The following PKLR variants were observed in gnomAD, a reference collection of about 807,000 sequenced individuals.
The protein encoded by PKLR is pyruvate kinase PKLR.
A neutral mutation model predicts 53.6 loss-of-function variants in PKLR; 38 were observed. The ratio of observed to expected loss-of-function variants is 0.71; its 90% CI spans 0.55 to 0.93. The LOEUF is 0.93. Ranked by LOEUF, PKLR falls within the 40% of genes least tolerant of loss-of-function variation. PKLR has a pLI of 0.00. For synonymous variants in PKLR, 328 were observed against 316.2 expected (o/e 1.04, Z -0.39); for missense variants, 702 against 787.3 (o/e 0.89, Z 1.30).
At position 155,295,696 on chromosome 1, in the gene PKLR, G is replaced by T; in HGVS notation, c.344C>A (p.Ala115Glu). ...GGAGCCGTGGGAGAAGTTGAGTCGC[G>T]CAATGTTCATCCCGGCCTTGATCAT... ...KEMIKAGMNI[A>E]RLNFSHGSHE... Residue 115 changes from alanine to glutamate, a missense_variant, in exon 3 of 11, where the codon GCG becomes GAG. Ala to Glu is a moderately radical substitution (Grantham distance 107). Transcript: ENST00000342741. This position sits in a 1 kb window ranked among gnomAD's most constrained non-coding sequence, Gnocchi z 4.3. 1 of 1,614,112 alleles carries T rather than the reference G, an allele frequency of 6.2e-7. No individual in the cohort carries two copies. The highest frequency in any genetic ancestry group is 8.5e-7 in the Non-Finnish European group (1 of 1,180,008).
At chr1:155,299,026 CTTTCT>C (rs1268429898) in intron 2 of PKLR, among the ~76,000 whole-genome samples, 1 of 92,414 alleles carries the variant, frequency 1.1e-5, no homozygotes, top group Non-Finnish European at 2.1e-5. Flanking sequence ...TTCTTTCTTT[CTTTCT>C]TTCTCTTTCT....
rs745811076 is a variant in PKLR, at chr1:155,300,262, C to A, written c.119G>T (p.Arg40Leu). 1.3e-6 allele frequency: 2 copies of A among 1,599,428 alleles called. No individual in the cohort carries two copies. The highest frequency in any genetic ancestry group is 3.5e-5 in the Admixed American group (2 of 57,140). ...GGTCAGTTGGGCCACACTGGCCCGCCGCAGATACCCCGCTGGCCCTGTGGT... is the reference window on the plus strand; with the variant it reads ...GGTCAGTTGGGCCACACTGGCCCGCAGCAGATACCCCGCTGGCCCTGTGGT... ...GAPGGPAGYL[R>L]RASVAQLTQE... The change falls in exon 2 of 11, where the codon CGG becomes CTG. Residue 40 changes from arginine (R) to leucine (L), a missense_variant. By Grantham distance (102) the Arg-to-Leu change is moderately radical. This residue lies in a region of PKLR where 519 missense variants were observed against 537.1 expected (regional missense o/e 0.97). Transcript: ENST00000342741.
rs1647558741 is a variant in PKLR, at chr1:155,295,793, C to A, written c.284-37G>T. Reference sequence around the variant, plus strand: ...GATTCACGTTCAGACAACGTTCCCCCAGAACATGAGAGGCAACCAAACCCA... The same window carrying A: ...GATTCACGTTCAGACAACGTTCCCCAAGAACATGAGAGGCAACCAAACCCA... On this transcript the variant is annotated intron_variant, in intron 2 of 10. Transcript: ENST00000342741. This position sits in a 1 kb window ranked among gnomAD's most constrained non-coding sequence, Gnocchi z 4.3. 3 of 1,588,158 alleles carry A rather than the reference C, an allele frequency of 1.9e-6. No individual in the cohort carries two copies. Among genetic ancestry groups the A allele is most frequent in the Admixed American group, 1.7e-5 (1 of 59,996 alleles).
chr1:155,291,149 A>G (rs1674521840), intron 10 of PKLR, among the ~76,000 whole-genome samples: 4 of 152,116 alleles, frequency 2.6e-5, no homozygotes, highest in Admixed American at 2.6e-4. Flanking sequence ...GGAATGAGGC[A>G]GTGAAGTATG....
chr1:155,295,125 G>C lies in PKLR; in HGVS notation c.685C>G (p.Gln229Glu), dbSNP rs1647485350. 3 of 1,614,046 alleles carry C rather than the reference G, an allele frequency of 1.9e-6. No individual in the cohort carries two copies. In the East Asian group the frequency reaches 6.7e-5, roughly 36 times the overall value. Residue 229 changes from glutamine to glutamate, a missense_variant, in exon 5 of 11, where the codon CAG becomes GAG. Physicochemically the swap from Gln to Glu is conservative, Grantham distance 29. Around this residue, in one of 2 missense-constraint regions of PKLR, gnomAD observed 519 missense variants for 537.1 expected, o/e 0.97. Coordinates refer to ENST00000342741, the MANE Select transcript of PKLR (RefSeq NM_000298.6). The surrounding 1 kb of genome is among the most constrained non-coding windows in gnomAD (Gnocchi z 4.3). ...GGAGGCGCGTCCGCACCGATTTTCT[G>C]GACCACTAGGGAGATGAGCCCGTCG... ...IDDGLISLVV[Q>E]KIGPEGLVTQ...
chr1:155,291,795 C>T lies in PKLR; in HGVS notation c.1579G>A (p.Asp527Asn), dbSNP rs748219831. The T allele has an allele frequency of 2.5e-6, 4 of 1,614,148 alleles. No individual in the cohort carries two copies. Among genetic ancestry groups the T allele is most frequent in the Non-Finnish European group, 2.5e-6 (3 of 1,180,018 alleles). ...YREPPEAIWADDVDRRVQFGI... is the reference protein window; with the variant it reads ...YREPPEAIWANDVDRRVQFGI... ...AATTGCACCCGGCGATCTACATCAT[C>T]TGCCCAGATGGCTTCTGGAGGTTCA... The change falls in exon 10 of 11, where the codon GAT (aspartate) becomes AAT (asparagine). Residue 527 changes from aspartate (D) to asparagine (N), a missense_variant. Around this residue, in one of 2 missense-constraint regions of PKLR, gnomAD observed 183 missense variants for 250.2 expected, o/e 0.73. Coordinates refer to ENST00000342741, the MANE Select transcript of PKLR (RefSeq NM_000298.6).
chr1:155,299,234 A>G (rs939760227), intron 2 of PKLR, among the ~76,000 whole-genome samples: 1 of 140,286 alleles, frequency 7.1e-6, no homozygotes, highest in Non-Finnish European at 1.5e-5. Flanking sequence ...TCTGTCACCT[A>G]GGCTGGAGTA....
chr1:155,299,171 T>C (rs1489740583), intron 2 of PKLR, among the ~76,000 whole-genome samples: 2 of 146,162 alleles, frequency 1.4e-5, no homozygotes. Context: ...CTCTCTCTCT[T>C]TCTTTCTTTC....
At position 155,295,695 on chromosome 1, in the gene PKLR, C is replaced by T; in HGVS notation, c.345G>A (p.Ala115=). 2.5e-6 allele frequency: 4 copies of T among 1,614,150 alleles called. No homozygotes were observed. The highest frequency in any genetic ancestry group is 1.3e-5 in the African/African-American group (1 of 75,042). ...KEMIKAGMNI[A]RLNFSHGSHE... is the part of the protein sequence containing the mutation. ...GGGAGCCGTGGGAGAAGTTGAGTCG[C>T]GCAATGTTCATCCCGGCCTTGATCA... The change falls in exon 3 of 11, where the codon GCG becomes GCA. Residue 115 remains alanine (A), a synonymous_variant. Coordinates refer to ENST00000342741, the MANE Select transcript of PKLR (RefSeq NM_000298.6). The surrounding 1 kb of genome is among the most constrained non-coding windows in gnomAD (Gnocchi z 4.3).
Position 155,298,055 on chromosome 1 carries a change from CT to C in PKLR, c.283+2042del, listed in dbSNP as rs561365092. 2.2e-4 allele frequency among the ~76,000 whole-genome samples: 32 copies of C among 148,830 alleles called. No homozygotes were observed. In the South Asian group the frequency reaches 3.4e-3, roughly 16 times the overall value. ...TTTCACTTTTTCTTTCTTTTCTTTT[CT>C]TTTTTTTTTAGATGGAATCTCGCTC... On this transcript the variant is annotated intron_variant, in intron 2 of 10. Coordinates refer to ENST00000342741, the MANE Select transcript of PKLR (RefSeq NM_000298.6).
Position 155,293,545 on chromosome 1 carries a change from T to A in PKLR, c.1162A>T (p.Thr388Ser). The change falls in exon 8 of 11, where the codon ACA becomes TCA. Residue 388 changes from threonine (T) to serine (S), a missense_variant. Coordinates refer to ENST00000342741, the MANE Select transcript of PKLR (RefSeq NM_000298.6). This position sits in a 1 kb window ranked among gnomAD's most constrained non-coding sequence, Gnocchi z 4.2. ...ITKPRPTRAE[T>S]SDVANAVLDG... ...AGCACAGCATTGGCGACATCGCTTG[T>A]CTCTGCCCTCGTTGGCCGGGGCTTG... 1 of 1,614,198 alleles carries A rather than the reference T, an allele frequency of 6.2e-7. No homozygotes were observed. The highest frequency in any genetic ancestry group is 8.5e-7 in the Non-Finnish European group (1 of 1,180,020).
rs1421413092 is a variant in PKLR, at chr1:155,294,989, TG to T, written c.694+126del. 6.0e-6 allele frequency: 7 copies of T among 1,160,406 alleles called. No homozygotes were observed. The East Asian group carries it at 1.3e-4, about 21-fold the overall frequency. The allele number at this position is 1,160,406 out of a possible 1,614,324, so 71.9% of individuals were successfully genotyped here. The stretch of plus-strand genomic sequence containing the variant: ...GCAGAGTCTACACGCTGGGGACTCC[TG>T]GGACGGGCTGGCAAAAACGCGTGGC... On this transcript the variant is annotated intron_variant, in intron 5 of 10. Coordinates refer to ENST00000342741, the MANE Select transcript of PKLR (RefSeq NM_000298.6).
At chr1:155,302,237 C>CT (rs35615990), upstream of PKLR, among the ~76,000 whole-genome samples, 760 of 118,904 alleles carry the variant, frequency 6.4e-3, 5 homozygotes, top group Non-Finnish European at 7.8e-3. Flanking sequence ...CTTTTCTTTT[C>CT]TTTTTTTTTT....
At chr1:155,299,989 G>T in intron 2 of PKLR, 109 bp downstream of exon 2, 1 of 1,199,886 alleles carries the variant, frequency 8.3e-7, no homozygotes, top group Non-Finnish European at 1.2e-6. Flanking sequence ...TTTGTTAAAT[G>T]AATGACTGTG....
chr1:155,300,951 A>G (rs762350074), intron 1 of PKLR: 19 of 1,587,196 alleles, frequency 1.2e-5, no homozygotes, highest in Non-Finnish European at 1.5e-5. Context: ...GGGTTGTCAG[A>G]GGCATGAGGC....
rs8177980 is a variant in PKLR, at chr1:155,293,619, T to C, written c.1117-29A>G. On this transcript the variant is annotated intron_variant, in intron 7 of 10. Coordinates refer to ENST00000342741, the MANE Select transcript of PKLR (RefSeq NM_000298.6). This position sits in a 1 kb window ranked among gnomAD's most constrained non-coding sequence, Gnocchi z 4.2. Reference sequence around the variant, plus strand: ...GGGGACAGCGTGGATGTCAAAGTTGTAGGACTCACACTGTGACTGGGGACC... The same window carrying C: ...GGGGACAGCGTGGATGTCAAAGTTGCAGGACTCACACTGTGACTGGGGACC... The C allele has an allele frequency of 1.4e-3, 2,286 of 1,612,942 alleles. 4 individuals are homozygous for C. The highest frequency in any genetic ancestry group is 1.8e-3 in the Non-Finnish European group (2,119 of 1,179,140).
chr1:155,300,645 C>T (rs1276942939), intron 1 of PKLR, among the ~76,000 whole-genome samples: 1 of 152,098 alleles, frequency 6.6e-6, no homozygotes, highest in Admixed American at 6.6e-5. Flanking sequence ...ACTGATGACC[C>T]TCAACCCCAC....
chr1:155,300,026 A>C (rs879169527), intron 2 of PKLR, 72 bp downstream of exon 2: 1 of 1,428,970 alleles, frequency 7.0e-7, no homozygotes, highest in South Asian at 1.1e-5. Context: ...CTCAAAGGAG[A>C]CAAAAGATGA....
chr1:155,298,329 T>C (rs12067675), intron 2 of PKLR, among the ~76,000 whole-genome samples: 59,663 of 142,698 alleles, frequency 0.42, 14,065 homozygotes, highest in East Asian at 0.71. Context: ...ACACCACGCC[T>C]GGCCTTTTTT....
Sources: allele counts gnomAD v4.1 joint callset (sites outside exome capture counted in the v4.1 genomes callset), GRCh38; gene constraint gnomAD v4.1.1; regional missense constraint gnomAD v4.1.1; non-coding constraint Gnocchi (gnomAD v3.1); transcripts MANE v1.5; gene names NCBI Gene and HGNC (gene_info 2026-07-23, HGNC 2026-07-21).